The following PSME4 variants were observed in gnomAD, a reference collection of about 807,000 sequenced individuals.
PSME4 encodes proteasome activator subunit 4, also known as proteasome activator complex subunit 4.
PSME4 carries 89 observed loss-of-function variants against 253.9 expected under a neutral mutation model. The ratio of observed to expected loss-of-function variants is 0.35; its 90% CI spans 0.30 to 0.42. The LOEUF (loss-of-function observed/expected upper bound fraction) is 0.42. Among genes scored for constraint, PSME4 ranks in the 10% least tolerant of loss-of-function variants. The probability of loss-of-function intolerance (pLI) is 1.00; values close to 1 mark genes in which losing one functional copy is unlikely to be tolerated. For missense variants in PSME4, 2,014 were observed against 2,195.2 expected, an observed-to-expected ratio of 0.92 and a Z score of 1.65; for synonymous variants, 851 against 759.2, an observed-to-expected ratio of 1.12 and a Z score of -1.99.
chr2:53,940,953 A>ATATTTT (rs1491585283), intron 3 of PSME4, among the ~76,000 whole-genome samples: 58 of 12,926 alleles, frequency 4.5e-3, no homozygotes, highest in African/African-American at 0.02. Flanking sequence ...ATATATATAC[A>ATATTTT]TATATATATA....
rs1669179168 is a variant in PSME4 at position 53,937,532 on chromosome 2, G to A, written c.554C>T (p.Pro185Leu). The A allele has an allele frequency of 1.2e-6, 2 of 1,607,830 alleles. No homozygotes were observed. The highest frequency in any genetic ancestry group is 1.1e-5 in the South Asian group (1 of 89,694). Residue 185 changes from proline (P) to leucine (L), a missense_variant, in exon 5 of 47, where the codon CCA (proline) becomes CTA (leucine). Physicochemically the swap from Pro to Leu is moderately conservative, Grantham distance 98. Coordinates refer to ENST00000404125, the MANE Select transcript of PSME4 (RefSeq NM_014614.3). ...TAGCATCTCAGCGGTGGCATCTGCT[G>A]GAAAATATCTAATAAAAAAAGAAGG... is the stretch of plus-strand genomic sequence containing the variant. ...TLVKSCRPYF[P>L]ADATAEMLEE...
In PSME4 at chr2:53,925,180, A is replaced by T. The variant is rs1487404752; in HGVS notation, c.1809+359T>A. ...CCAATAAGAAGCAAAAAAATGTAAA[A>T]AAGTGGCATTAAATAGATCGCAAAG... On this transcript the variant is annotated intron_variant, in intron 14 of 46. Transcript: ENST00000404125. Among the ~76,000 whole-genome samples the T allele has an allele frequency of 2.6e-5, 4 of 152,320 alleles. No individual in the cohort carries two copies. In the East Asian group the frequency reaches 7.7e-4, roughly 29 times the overall value.
intron 1 of PSME4, among the ~76,000 whole-genome samples, chr2:53,966,017 T>C (rs1670718368): frequency 6.6e-6 from 1 of 152,148 alleles, no homozygotes; most frequent in South Asian, 2.1e-4. Context: ...ACATGGTGAC[T>C]CACGCCTGTA....
chr2:53,901,725 C>G (rs903413850), intron 27 of PSME4, among the ~76,000 whole-genome samples, 166 bp from the exon 28 acceptor site: 2 of 152,114 alleles, frequency 1.3e-5, no homozygotes, highest in African/African-American at 2.4e-5. Flanking sequence ...TTTTAGAAAT[C>G]TGAACTTGAC....
In PSME4 at chr2:53,871,410, C is replaced by T. The variant is rs940549931; in HGVS notation, c.5101-1872G>A. On this transcript the variant is annotated intron_variant, in intron 43 of 46. Coordinates refer to ENST00000404125, the MANE Select transcript of PSME4 (RefSeq NM_014614.3). ...GGACTACAGCTACAACCCGCTGCCA[C>T]GCCTGGCTAATTTTTTTGTATTTTT... Among the ~76,000 whole-genome samples the T allele has an allele frequency of 5.9e-5, 9 of 152,024 alleles. No individual in the cohort carries two copies. In the East Asian group the frequency reaches 7.8e-4, roughly 13 times the overall value.
chr2:53,888,793 T>C lies in PSME4; in HGVS notation c.4316A>G (p.Lys1439Arg), dbSNP rs1427510026. Residue 1439 changes from lysine to arginine, a missense_variant, in exon 38 of 47, where the codon AAA (lysine) becomes AGA (arginine). Coordinates refer to ENST00000404125, the MANE Select transcript of PSME4 (RefSeq NM_014614.3). The stretch of plus-strand genomic sequence containing the variant: ...CAGCAGTTCAAAAAGCCAGTGAAGT[T>C]TCCGGGGATCTCTGCTTTCCTGTGT... ...ATSCESRDPR[K>R]LHWLFELLLE... 7.4e-6 allele frequency: 12 copies of C among 1,612,056 alleles called. No homozygotes were observed. In the Admixed American group the frequency reaches 2.0e-4, roughly 27 times the overall value.
At chr2:53,935,890 T>C (rs956408823) in intron 7 of PSME4, among the ~76,000 whole-genome samples, 197 bp downstream of exon 7, 3 of 151,296 alleles carry the variant, frequency 2.0e-5, no homozygotes, top group Non-Finnish European at 1.5e-5. Flanking sequence ...GTATTTATGT[T>C]CAAAATGTTT....
At chr2:53,886,340 T>C (rs928865974) in intron 40 of PSME4, among the ~76,000 whole-genome samples, 9 of 152,270 alleles carry the variant, frequency 5.9e-5, no homozygotes, top group Admixed American at 2.6e-4. Flanking sequence ...GCCCCGGAGA[T>C]TGAGGCTGCA....
chr2:53,948,784 G>A (rs1669841266), intron 2 of PSME4, among the ~76,000 whole-genome samples: 1 of 152,090 alleles, frequency 6.6e-6, no homozygotes. Flanking sequence ...CCATTATTGT[G>A]GATGAATTTC....
At chr2:53,890,818 A>C (rs1261990183) in intron 36 of PSME4, among the ~76,000 whole-genome samples, 4 of 152,146 alleles carry the variant, frequency 2.6e-5, no homozygotes, top group Non-Finnish European at 5.9e-5. Context: ...ACTTGAAATC[A>C]GGAGTTCAAG....
intron 41 of PSME4, among the ~76,000 whole-genome samples, chr2:53,883,527 C>T (rs1255117408): frequency 6.6e-6 from 1 of 152,106 alleles, no homozygotes; most frequent in Non-Finnish European, 1.5e-5. Flanking sequence ...AGCTGCCATT[C>T]GCTGGTCTCT....
At position 53,920,768 on chromosome 2, in the gene PSME4, T is replaced by C. The variant is rs1013368362; in HGVS notation, c.2262+121A>G. 14 of 826,692 alleles carry C rather than the reference T, an allele frequency of 1.7e-5. No individual in the cohort carries two copies. In the Middle Eastern group the frequency reaches 8.0e-4, roughly 47 times the overall value. 51.2% of individuals were successfully genotyped at this position (826,692 alleles called of 1,614,324 possible). Reference sequence around the variant, plus strand: ...GCACAAGTTTCACATATTCCAATAATAGTTTCAATAATCTATCTTAAAAGT... The same window carrying C: ...GCACAAGTTTCACATATTCCAATAACAGTTTCAATAATCTATCTTAAAAGT... On this transcript the variant is annotated intron_variant, in intron 18 of 46. Transcript: ENST00000404125.
Position 53,932,103 on chromosome 2 carries a change from G to A in PSME4, c.1051-3C>T, listed in dbSNP as rs1394464019. 4 of 1,611,664 alleles carry A rather than the reference G, an allele frequency of 2.5e-6. No homozygotes were observed. Among genetic ancestry groups the A allele is most frequent in the Admixed American group, 1.7e-5 (1 of 59,862 alleles). On this transcript the variant is annotated splice_polypyrimidine_tract_variant and splice_region_variant and intron_variant, in intron 9 of 46. Transcript: ENST00000404125. ...TGAAGTAGTTTCATTAACTTGTTCT[G>A]GGGACACAGAAGCAAAAAGTTCTAA...
chr2:53,901,466 C>T lies in PSME4; in HGVS notation c.3169G>A (p.Val1057Ile), dbSNP rs768768783. 13 of 1,614,000 alleles carry T rather than the reference C, an allele frequency of 8.1e-6. 1 individual carries two copies. In the South Asian group the frequency reaches 1.4e-4, roughly 18 times the overall value. The change falls in exon 28 of 47, where the codon GTT becomes ATT. Residue 1057 changes from valine to isoleucine, a missense_variant. Val to Ile is a conservative substitution (Grantham distance 29). This residue lies in a region of PSME4 where 989 missense variants were observed against 1,021.1 expected (regional missense o/e 0.97). Transcript: ENST00000404125. ...ATTGCTTGGCTAAGCCCTGAAGAAA[C>T]AATCGCTGGCCACGTCTGTACAATA... ...DCIVQTWPAIVSSGLSQAMSL... is the reference protein window; with the variant it reads ...DCIVQTWPAIISSGLSQAMSL...
intron 41 of PSME4, among the ~76,000 whole-genome samples, chr2:53,879,178 C>T (rs958470544): frequency 2.0e-5 from 3 of 150,272 alleles, no homozygotes; most frequent in Non-Finnish European, 4.4e-5. Context: ...GTCTACCCTC[C>T]TACCTCAAAG....
In PSME4 at chr2:53,923,913, C is replaced by CAAA. The variant is rs199929436; in HGVS notation, c.1810-497_1810-495dup. ...ACTCCAGCCCAGGTGACAGAGTTAA[C>CAAA]AAAAAAAAAAAAAAAAAAAAAAAAA... On this transcript the variant is annotated intron_variant, in intron 14 of 46. Coordinates refer to ENST00000404125, the MANE Select transcript of PSME4 (RefSeq NM_014614.3). Among the ~76,000 whole-genome samples, 637 of 96,784 alleles carry CAAA rather than the reference C, an allele frequency of 6.6e-3. 45 individuals carry two copies. The highest frequency in any genetic ancestry group is 0.014 in the African/African-American group (310 of 22,286). 63.5% of individuals were successfully genotyped at this position (96,784 alleles called of 152,430 possible).
At chr2:53,950,850 AAAAAAAAG>A (rs368874172) in intron 1 of PSME4, among the ~76,000 whole-genome samples, 10 of 151,828 alleles carry the variant, frequency 6.6e-5, no homozygotes, top group African/African-American at 2.4e-4. Context: ...TCAAAAAAAA[AAAAAAAAG>A]AAAAGAAAAA....
rs369827849 is a variant in PSME4, at chr2:53,953,998, G to A, written c.243-4715C>T. 4.9e-4 allele frequency among the ~76,000 whole-genome samples: 75 copies of A among 152,310 alleles called. 1 individual carries two copies. In the East Asian group the frequency reaches 0.012, roughly 24 times the overall value. ...GCCGCTTCCTCCTCACAGCCCTACA[G>A]TGTATTAATCAAATGATTTAATTTT... On this transcript the variant is annotated intron_variant, in intron 1 of 46. Coordinates refer to ENST00000404125, the MANE Select transcript of PSME4 (RefSeq NM_014614.3).
intron 17 of PSME4, among the ~76,000 whole-genome samples, chr2:53,921,991 T>C (rs1335366811): frequency 2.0e-5 from 3 of 150,056 alleles, no homozygotes; most frequent in African/African-American, 7.4e-5. Context: ...GCTAACACAG[T>C]GAAACCCCGT....
Sources: gnomAD v4.1 joint callset for allele counts (sites outside exome capture counted in the v4.1 genomes callset) on GRCh38, gnomAD v4.1.1 for gene constraint, gnomAD v4.1.1 regional missense constraint, MANE v1.5 for transcripts, NCBI Gene and HGNC (gene_info 2026-07-23, HGNC 2026-07-21) for gene names.